The following PTCD2 variants were observed in gnomAD, a reference collection of about 807,000 sequenced individuals.
PTCD2 encodes pentatricopeptide repeat domain 2, also known as pentatricopeptide repeat-containing protein 2, mitochondrial.
In PTCD2, 31 loss-of-function variants were observed where a neutral mutation model predicts 42.6. The ratio of observed to expected loss-of-function variants is 0.73; its 90% CI spans 0.55 to 0.98. The LOEUF (loss-of-function observed/expected upper bound fraction) is 0.98, where lower values mean the gene tolerates loss of function less well. Among genes scored for constraint, PTCD2 ranks in the 50% least tolerant of loss-of-function variants. PTCD2 has a pLI of 0.00. For missense variants in PTCD2, 476 were observed against 454.8 expected, an observed-to-expected ratio of 1.05 and a Z score of -0.42; for synonymous variants, 183 against 170.9, an observed-to-expected ratio of 1.07 and a Z score of -0.55.
At chr5:72,329,801 A>T (rs956752764) in intron 3 of PTCD2, among the ~76,000 whole-genome samples, 1 of 152,180 alleles carries the variant, frequency 6.6e-6, no homozygotes, top group Non-Finnish European at 1.5e-5. Context: ...TCATCATCAC[A>T]CAAGTAGAAG....
chr5:72,323,409 C>T (rs548794967), intron 2 of PTCD2, among the ~76,000 whole-genome samples: 1 of 152,118 alleles, frequency 6.6e-6, no homozygotes, highest in Non-Finnish European at 1.5e-5. Context: ...TCATTCTCTC[C>T]CTCCTGCACA....
intron 8 of PTCD2, among the ~76,000 whole-genome samples, chr5:72,350,448 T>A (rs867652565): frequency 6.6e-6 from 1 of 152,114 alleles, no homozygotes; most frequent in Admixed American, 6.6e-5. Flanking sequence ...GAAACCCAAA[T>A]CTCTTATAAT....
Position 72,366,917 on chromosome 5 carries a change from C to T in PTCD2, c.*8490C>T, listed in dbSNP as rs541624035. 1.3e-5 allele frequency: 2 copies of T among 152,356 alleles called. No individual in the cohort carries two copies. Among genetic ancestry groups the T allele is most frequent in the East Asian group, 1.9e-4 (1 of 5,188 alleles). The allele number at this position is 152,356 out of a possible 1,614,324, so 9.4% of individuals were successfully genotyped here. On this transcript the variant is annotated 3_prime_UTR_variant, in exon 10 of 10. Transcript: ENST00000380639. ...AAAGAAAAAGGATGGTCATTTGTCTCACTTGGGAAAGGGTTTCCTCCCAAA... is the reference window on the plus strand; with the variant it reads ...AAAGAAAAAGGATGGTCATTTGTCTTACTTGGGAAAGGGTTTCCTCCCAAA...
At chr5:72,336,304 T>TTTGTCTGGAG (rs1751737419) in intron 6 of PTCD2, among the ~76,000 whole-genome samples, 1 of 152,198 alleles carries the variant, frequency 6.6e-6, no homozygotes, top group South Asian at 2.1e-4. Context: ...CTGGAAGTGA[T>TTTGTCTGGAG]GTTTGTCACC....
In PTCD2 at chr5:72,345,904, C is replaced by T. The variant is rs566159718; in HGVS notation, c.828+2868C>T. 2.0e-5 allele frequency among the ~76,000 whole-genome samples: 3 copies of T among 152,234 alleles called. No homozygotes were observed. In the South Asian group the frequency reaches 6.2e-4, roughly 32 times the overall value. On this transcript the variant is annotated intron_variant, in intron 8 of 9. Transcript: ENST00000380639. ...TAGTGAATAGGAATTATGCATAACTCCAAACTTCTGAAAGAGTCATACTTA... is the reference window on the plus strand; with the variant it reads ...TAGTGAATAGGAATTATGCATAACTTCAAACTTCTGAAAGAGTCATACTTA...
At chr5:72,350,343 T>G (rs1752561941) in intron 8 of PTCD2, among the ~76,000 whole-genome samples, 1 of 152,214 alleles carries the variant, frequency 6.6e-6, no homozygotes, top group Admixed American at 6.5e-5. Context: ...TGCATCAGTT[T>G]CCTGAGCCCC....
intron 8 of PTCD2, among the ~76,000 whole-genome samples, chr5:72,345,157 T>C (rs1454652761): frequency 6.6e-6 from 1 of 152,208 alleles, no homozygotes; most frequent in Non-Finnish European, 1.5e-5. Context: ...AGTGGCCATT[T>C]CAGAGGCCTA....
In PTCD2 at chr5:72,361,152, A is replaced by G. The variant is rs1197088382; in HGVS notation, c.*2725A>G. ...ACAGTTACTAGAAGGAGACAAAAAGATATCTTCTTAATTAGGTGATATCAG... is the reference window on the plus strand; with the variant it reads ...ACAGTTACTAGAAGGAGACAAAAAGGTATCTTCTTAATTAGGTGATATCAG... On this transcript the variant is annotated 3_prime_UTR_variant, in exon 10 of 10. Coordinates refer to ENST00000380639, the MANE Select transcript of PTCD2 (RefSeq NM_024754.5). 6.6e-6 allele frequency: 1 copy of G among 152,312 alleles called. No individual in the cohort carries two copies. Among genetic ancestry groups the G allele is most frequent in the Middle Eastern group, 3.4e-3 (1 of 294 alleles). 9.4% of individuals were successfully genotyped at this position (152,312 alleles called of 1,614,324 possible). A position where few individuals can be genotyped will look rare whatever the true frequency, so the allele number is the denominator to read the frequency against.
rs887190716 is a variant in PTCD2 at position 72,359,451 on chromosome 5, G to A, written c.*1024G>A. On this transcript the variant is annotated 3_prime_UTR_variant, in exon 10 of 10. Coordinates refer to ENST00000380639, the MANE Select transcript of PTCD2 (RefSeq NM_024754.5). ...CCAGAGGGTTGCTCAGACCTCAGGAGCTGTCTGCCAAGATTGCTGCAGACT... is the reference window on the plus strand; with the variant it reads ...CCAGAGGGTTGCTCAGACCTCAGGAACTGTCTGCCAAGATTGCTGCAGACT... The A allele has an allele frequency of 6.6e-6, 1 of 152,184 alleles. No homozygotes were observed. The highest frequency in any genetic ancestry group is 2.4e-5 in the African/African-American group (1 of 41,436). The allele number at this position is 152,184 out of a possible 1,614,324, so 9.4% of individuals were successfully genotyped here.
chr5:72,326,815 A>C lies in PTCD2; in HGVS notation c.350+74A>C. On this transcript the variant is annotated intron_variant, in intron 3 of 9. Transcript: ENST00000380639. ...TTCCTTTCTATGAGCAGTCTGATCC[A>C]CTTCGAAGTTGTTGCCACCTCTATA... The C allele has an allele frequency of 3.3e-6, 5 of 1,509,440 alleles. No individual in the cohort carries two copies. In the East Asian group the frequency reaches 1.1e-4, roughly 34 times the overall value. The allele number at this position is 1,509,440 out of a possible 1,614,324, so 93.5% of individuals were successfully genotyped here.
intron 8 of PTCD2, among the ~76,000 whole-genome samples, chr5:72,343,260 T>C (rs748233562): frequency 3.3e-5 from 5 of 152,090 alleles, no homozygotes; most frequent in South Asian, 2.1e-4. Flanking sequence ...GTAAACAGGT[T>C]GGAGAGAGGT....
At chr5:72,349,416 G>A (rs1467233008) in intron 8 of PTCD2, among the ~76,000 whole-genome samples, 1 of 152,182 alleles carries the variant, frequency 6.6e-6, no homozygotes, top group Admixed American at 6.6e-5. Flanking sequence ...TAAGGTTAGG[G>A]AGTTCTGTTA....
At chr5:72,343,598 C>A (rs1752188362) in intron 8 of PTCD2, among the ~76,000 whole-genome samples, 1 of 152,162 alleles carries the variant, frequency 6.6e-6, no homozygotes, top group Admixed American at 6.5e-5. Flanking sequence ...CCACCTGGGT[C>A]ACTTATTTGG....
At chr5:72,351,523 T>C (rs1439969565) in intron 8 of PTCD2, among the ~76,000 whole-genome samples, 3 of 152,132 alleles carry the variant, frequency 2.0e-5, no homozygotes, top group Non-Finnish European at 2.9e-5. Context: ...TGCCAGAGAT[T>C]GGGTAATTTA....
At chr5:72,335,485 A>G (rs1051996025) in intron 5 of PTCD2, 1 of 280,016 alleles carries the variant, frequency 3.6e-6, no homozygotes, top group Non-Finnish European at 6.6e-6. Flanking sequence ...TGATTCTTAT[A>G]TCCCTGATAA....
intron 8 of PTCD2, among the ~76,000 whole-genome samples, chr5:72,344,877 A>G (rs59769057): frequency 0.08 from 12,181 of 152,230 alleles, 1,024 homozygotes; most frequent in African/African-American, 0.21. Flanking sequence ...CGTGCTTCAC[A>G]AGGTAGTAGA....
intron 3 of PTCD2, among the ~76,000 whole-genome samples, chr5:72,330,636 TG>T: frequency 6.6e-6 from 1 of 152,368 alleles, no homozygotes; most frequent in South Asian, 2.1e-4. Flanking sequence ...ACTGGCTGCC[TG>T]TAGAAATCTC....
At position 72,365,810 on chromosome 5, in the gene PTCD2, C is replaced by A. The variant is rs995412526; in HGVS notation, c.*7383C>A. On this transcript the variant is annotated 3_prime_UTR_variant, in exon 10 of 10. Transcript: ENST00000380639. ...CATTTCCAATTTAGAAGATCATAAT[C>A]GATTTTTAACACATTGGTCCTTAGG... The A allele has an allele frequency of 1.3e-5, 2 of 152,044 alleles. No individual in the cohort carries two copies. Among genetic ancestry groups the A allele is most frequent in the African/African-American group, 4.8e-5 (2 of 41,376 alleles). The allele number at this position is 152,044 out of a possible 1,614,324, so 9.4% of individuals were successfully genotyped here.
intron 8 of PTCD2, among the ~76,000 whole-genome samples, chr5:72,346,954 A>G (rs911495389): frequency 5.3e-5 from 8 of 152,234 alleles, no homozygotes; most frequent in Non-Finnish European, 1.0e-4. Flanking sequence ...TGAGGGTTTC[A>G]GTAAGAATTG....
Sources: gnomAD v4.1 joint callset for allele counts (sites outside exome capture counted in the v4.1 genomes callset) on GRCh38, gnomAD v4.1.1 for gene constraint, MANE v1.5 for transcripts, NCBI Gene and HGNC (gene_info 2026-07-23, HGNC 2026-07-21) for gene names.